Variants in OR51T1 observed in about 807,000 individuals in gnomAD.
OR51T1 encodes olfactory receptor 51T1.
For missense variants in OR51T1, 439 were observed against 398.5 expected, an observed-to-expected ratio of 1.10 and a Z score of -0.87; for synonymous variants, 188 against 152.6, an observed-to-expected ratio of 1.23 and a Z score of -1.71.
rs755950632 is a variant in OR51T1 at position 4,882,687 on chromosome 11, C to T, written c.788C>T (p.Ala263Val). 1.2e-6 allele frequency: 2 copies of T among 1,613,946 alleles called. No homozygotes were observed. The highest frequency in any genetic ancestry group is 1.1e-5 in the South Asian group (1 of 91,076). Residue 263 changes from alanine to valine, a missense_variant, in exon 1 of 1, where the codon GCA (alanine) becomes GTA (valine). Transcript: ENST00000322049. ...GTGCCACTGATCAGCCTCTCTTTGG[C>T]ACACCGCCTCTTCCACTCCACCCCA... Reference protein sequence around the residue: ...FYVPLISLSLAHRLFHSTPRV... With the variant: ...FYVPLISLSLVHRLFHSTPRV...
At position 4,882,197 on chromosome 11, in the gene OR51T1, T is replaced by C; in HGVS notation, c.298T>C (p.Phe100Leu). Residue 100 changes from phenylalanine to leucine, a missense_variant, in exon 1 of 1, where the codon TTC (phenylalanine) becomes CTC (leucine). Phe to Leu is a conservative substitution (Grantham distance 22). Transcript: ENST00000322049. ...HAREISFKAC[F>L]IQMFFVHAFS... is the part of the protein sequence containing the mutation. ...CCGGGAGATCAGCTTTAAAGCTTGC[T>C]TCATTCAAATGTTCTTTGTGCATGC... 1 of 1,613,986 alleles carries C rather than the reference T, an allele frequency of 6.2e-7. No homozygotes were observed.
Position 4,882,722 on chromosome 11 carries a change from T to G in OR51T1, c.823T>G (p.Cys275Gly). The G allele has an allele frequency of 6.2e-7, 1 of 1,613,982 alleles. No homozygotes were observed. ...CTTCCACTCCACCCCAAGGGTGCTCTGTAGCACTTTGGCCAATATTTATCT... is the reference window on the plus strand; with the variant it reads ...CTTCCACTCCACCCCAAGGGTGCTCGGTAGCACTTTGGCCAATATTTATCT... ...RLFHSTPRVLCSTLANIYLLL... is the reference protein window; with the variant it reads ...RLFHSTPRVLGSTLANIYLLL... Residue 275 changes from cysteine (C) to glycine (G), a missense_variant, in exon 1 of 1, where the codon TGT becomes GGT. Physicochemically the swap from Cys to Gly is radical, Grantham distance 159. Transcript: ENST00000322049.
At position 4,882,161 on chromosome 11, in the gene OR51T1, T is replaced by C. The variant is rs779553865; in HGVS notation, c.262T>C (p.Trp88Arg). The C allele has an allele frequency of 3.7e-6, 6 of 1,613,848 alleles. No individual in the cohort carries two copies. Among genetic ancestry groups the C allele is most frequent in the East Asian group, 2.2e-5 (1 of 44,852 alleles). The stretch of plus-strand genomic sequence containing the variant: ...CCTTCCCACTGTGCTTGGTGTTCTC[T>C]GGTTTCATGCCCGGGAGATCAGCTT... ...TTLPTVLGVL[W>R]FHAREISFKA... The change falls in exon 1 of 1, where the codon TGG becomes CGG. Residue 88 changes from tryptophan to arginine, a missense_variant. Coordinates refer to ENST00000322049, the MANE Select transcript of OR51T1 (RefSeq NM_001004759.3).
rs149770343 is a variant in OR51T1, at chr11:4,882,581, C to T, written c.682C>T (p.Leu228=). Reference sequence around the variant, plus strand: ...CTATGTCCTGATCCTCCGTACTGTTCTGGGCATTGTGGCCCGAAAGAAGCA... The same window carrying T: ...CTATGTCCTGATCCTCCGTACTGTTTTGGGCATTGTGGCCCGAAAGAAGCA... ...FSYVLILRTV[L]GIVARKKQQK... The change falls in exon 1 of 1, where the codon CTG becomes TTG. Residue 228 remains leucine, a synonymous_variant. Transcript: ENST00000322049. The T allele has an allele frequency of 7.3e-4, 1,171 of 1,613,902 alleles. No individual in the cohort carries two copies. Among genetic ancestry groups the T allele is most frequent in the Admixed American group, 1.5e-3 (88 of 59,960 alleles).
In OR51T1 at chr11:4,882,135, C is replaced by A. The variant is rs977605855; in HGVS notation, c.236C>A (p.Thr79Asn). ...GTTGATCTATGTCTGACCATTACGA[C>A]CCTTCCCACTGTGCTTGGTGTTCTC... ...AAVDLCLTIT[T>N]LPTVLGVLWF... The change falls in exon 1 of 1, where the codon ACC (threonine) becomes AAC (asparagine). Residue 79 changes from threonine (T) to asparagine (N), a missense_variant. Physicochemically the swap from Thr to Asn is moderately conservative, Grantham distance 65 (BLOSUM62 0). Transcript: ENST00000322049. The A allele has an allele frequency of 8.1e-6, 13 of 1,613,748 alleles. No individual in the cohort carries two copies. Among genetic ancestry groups the A allele is most frequent in the Non-Finnish European group, 1.1e-5 (13 of 1,179,850 alleles).
rs756743966 is a variant in OR51T1 at position 4,882,868 on chromosome 11, G to T, written c.969G>T (p.Arg323Ser). ...GSWGFNVRGL[R>S]GRWD ...GGGGTTTTAATGTGAGGGGTCTTAG[G>T]GGAAGATGGGATTGAAGGTAGGAAA... is the stretch of plus-strand genomic sequence containing the variant. Residue 323 changes from arginine to serine, a missense_variant, in exon 1 of 1, where the codon AGG becomes AGT. Arg to Ser is a moderately radical substitution (Grantham distance 110). Coordinates refer to ENST00000322049, the MANE Select transcript of OR51T1 (RefSeq NM_001004759.3). The T allele has an allele frequency of 1.2e-5, 20 of 1,612,128 alleles. 1 individual carries two copies. The highest frequency in any genetic ancestry group is 1.1e-4 in the East Asian group (5 of 44,792).
Position 4,882,108 on chromosome 11 carries a change from C to A in OR51T1, c.209C>A (p.Ala70Asp). The A allele has an allele frequency of 1.2e-6, 2 of 1,613,980 alleles. No homozygotes were observed. The highest frequency in any genetic ancestry group is 1.7e-6 in the Non-Finnish European group (2 of 1,179,932). The change falls in exon 1 of 1, where the codon GCT becomes GAT. Residue 70 changes from alanine (A) to aspartate (D), a missense_variant. Transcript: ENST00000322049. ...TATTATTTCCTCTCCATGCTGGCAG[C>A]TGTTGATCTATGTCTGACCATTACG... ...PMYYFLSMLA[A>D]VDLCLTITTL...
chr11:4,882,500 G>A lies in OR51T1; in HGVS notation c.601G>A (p.Gly201Arg), dbSNP rs1327937246. 9 of 1,613,504 alleles carry A rather than the reference G, an allele frequency of 5.6e-6. No homozygotes were observed. In the African/African-American group the frequency reaches 1.2e-4, roughly 22 times the overall value. ...YSKPWISSFW[G>R]LFLQLYLNGT... ...CAAACCTTGGATCAGCAGTTTTTGG[G>A]GACTGTTTCTTCAGCTCTACCTGAA... The change falls in exon 1 of 1, where the codon GGA (glycine) becomes AGA (arginine). Residue 201 changes from glycine (G) to arginine (R), a missense_variant. By Grantham distance (125) the Gly-to-Arg change is moderately radical (BLOSUM62 -2). Transcript: ENST00000322049.
chr11:4,882,246 T>A lies in OR51T1; in HGVS notation c.347T>A (p.Val116Glu), dbSNP rs1413053691. 6.2e-7 allele frequency: 1 copy of A among 1,614,034 alleles called. No homozygotes were observed. Among genetic ancestry groups the A allele is most frequent in the East Asian group, 2.2e-5 (1 of 44,866 alleles). ...VHAFSLLESS[V>E]LVAMAFDRFV... ...GCTTTCTCCTTGCTGGAGTCCTCGG[T>A]GCTGGTAGCCATGGCCTTTGACCGC... The change falls in exon 1 of 1, where the codon GTG (valine) becomes GAG (glutamate). Residue 116 changes from valine (V) to glutamate (E), a missense_variant. Coordinates refer to ENST00000322049, the MANE Select transcript of OR51T1 (RefSeq NM_001004759.3).
chr11:4,881,924 T>G lies in OR51T1; in HGVS notation c.25T>G (p.Ser9Ala), dbSNP rs1320519206. 1.2e-6 allele frequency: 2 copies of G among 1,613,324 alleles called. No individual in the cohort carries two copies. Among genetic ancestry groups the G allele is most frequent in the Non-Finnish European group, 1.7e-6 (2 of 1,179,462 alleles). Residue 9 changes from serine (S) to alanine (A), a missense_variant, in exon 1 of 1, where the codon TCG (serine) becomes GCG (alanine). Coordinates refer to ENST00000322049, the MANE Select transcript of OR51T1 (RefSeq NM_001004759.3). The stretch of plus-strand genomic sequence containing the variant: ...CATGGCAATATTCAATAACACCACT[T>G]CGTCTTCCTCAAACTTCCTCCTCAC... MAIFNNTT[S>A]SSSNFLLTAF...
At position 4,882,035 on chromosome 11, in the gene OR51T1, A is replaced by T. The variant is rs905371915; in HGVS notation, c.136A>T (p.Met46Leu). The change falls in exon 1 of 1, where the codon ATG becomes TTG. Residue 46 changes from methionine to leucine, a missense_variant. Met to Leu is a conservative substitution (Grantham distance 15). Coordinates refer to ENST00000322049, the MANE Select transcript of OR51T1 (RefSeq NM_001004759.3). ...CACCATTGCCCTCTTGGGAAACAGT[A>T]TGATCTTTCTTGTCATCATTACTAA... ...LYTIALLGNS[M>L]IFLVIITKRR... 6.2e-7 allele frequency: 1 copy of T among 1,613,876 alleles called. No individual in the cohort carries two copies. Among genetic ancestry groups the T allele is most frequent in the Non-Finnish European group, 8.5e-7 (1 of 1,179,886 alleles).
chr11:4,882,778 T>C lies in OR51T1; in HGVS notation c.879T>C (p.Ile293=), dbSNP rs756152315. The change falls in exon 1 of 1, where the codon ATT becomes ATC. Residue 293 remains isoleucine, a synonymous_variant. Transcript: ENST00000322049. ...LLLPPVLNPI[I]YSLKTKTIRQ... ...TACCACCTGTGCTGAACCCTATCATTTACAGCTTGAAGACCAAGACAATCC... is the reference window on the plus strand; with the variant it reads ...TACCACCTGTGCTGAACCCTATCATCTACAGCTTGAAGACCAAGACAATCC... 6.2e-7 allele frequency: 1 copy of C among 1,613,890 alleles called. No homozygotes were observed. The highest frequency in any genetic ancestry group is 8.5e-7 in the Non-Finnish European group (1 of 1,179,874).
chr11:4,882,619 C>T lies in OR51T1; in HGVS notation c.720C>T (p.Leu240=), dbSNP rs1850490562. 3 of 1,613,930 alleles carry T rather than the reference C, an allele frequency of 1.9e-6. No homozygotes were observed. The highest frequency in any genetic ancestry group is 1.7e-6 in the Non-Finnish European group (2 of 1,179,940). The change falls in exon 1 of 1, where the codon CTC becomes CTT. Residue 240 remains leucine (L), a synonymous_variant. Coordinates refer to ENST00000322049, the MANE Select transcript of OR51T1 (RefSeq NM_001004759.3). ...IVARKKQQKA[L]STCVCHICAV... is the part of the protein sequence containing the mutation. Reference sequence around the variant, plus strand: ...CCCGAAAGAAGCAACAAAAAGCTCTCAGCACTTGTGTCTGTCACATCTGTG... The same window carrying T: ...CCCGAAAGAAGCAACAAAAAGCTCTTAGCACTTGTGTCTGTCACATCTGTG...
chr11:4,882,048 T>C lies in OR51T1; in HGVS notation c.149T>C (p.Val50Ala). Reference protein sequence around the residue: ...ALLGNSMIFLVIITKRRLHKP... With the variant: ...ALLGNSMIFLAIITKRRLHKP... ...TTGGGAAACAGTATGATCTTTCTTGTCATCATTACTAAGCGGAGACTCCAC... is the reference window on the plus strand; with the variant it reads ...TTGGGAAACAGTATGATCTTTCTTGCCATCATTACTAAGCGGAGACTCCAC... The change falls in exon 1 of 1, where the codon GTC becomes GCC. Residue 50 changes from valine (V) to alanine (A), a missense_variant. By Grantham distance (64) the Val-to-Ala change is moderately conservative (BLOSUM62 0). Transcript: ENST00000322049. 5 of 1,613,868 alleles carry C rather than the reference T, an allele frequency of 3.1e-6. No homozygotes were observed. The highest frequency in any genetic ancestry group is 4.2e-6 in the Non-Finnish European group (5 of 1,179,872).
Position 4,882,320 on chromosome 11 carries a change from A to G in OR51T1, c.421A>G (p.Arg141Gly). Residue 141 changes from arginine to glycine, a missense_variant, in exon 1 of 1, where the codon AGG becomes GGG. Physicochemically the swap from Arg to Gly is moderately radical, Grantham distance 125 (BLOSUM62 -2). Coordinates refer to ENST00000322049, the MANE Select transcript of OR51T1 (RefSeq NM_001004759.3). ...PLNYATILTD[R>G]MVLVIGLVIC... ...GAACTATGCTACTATCCTCACAGACAGGATGGTCCTGGTGATAGGGCTGGT... is the reference window on the plus strand; with the variant it reads ...GAACTATGCTACTATCCTCACAGACGGGATGGTCCTGGTGATAGGGCTGGT... 1 of 1,613,962 alleles carries G rather than the reference A, an allele frequency of 6.2e-7. No homozygotes were observed. Among genetic ancestry groups the G allele is most frequent in the East Asian group, 2.2e-5 (1 of 44,848 alleles).
In OR51T1 at chr11:4,882,614, G is replaced by T. The variant is rs1850490505; in HGVS notation, c.715G>T (p.Ala239Ser). The change falls in exon 1 of 1, where the codon GCT (alanine) becomes TCT (serine). Residue 239 changes from alanine to serine, a missense_variant. Physicochemically the swap from Ala to Ser is moderately conservative, Grantham distance 99. Transcript: ENST00000322049. ...GIVARKKQQK[A>S]LSTCVCHICA... ...TGTGGCCCGAAAGAAGCAACAAAAAGCTCTCAGCACTTGTGTCTGTCACAT... is the reference window on the plus strand; with the variant it reads ...TGTGGCCCGAAAGAAGCAACAAAAATCTCTCAGCACTTGTGTCTGTCACAT... 6.2e-7 allele frequency: 1 copy of T among 1,613,880 alleles called. No individual in the cohort carries two copies. Among genetic ancestry groups the T allele is most frequent in the African/African-American group, 1.3e-5 (1 of 75,006 alleles).
chr11:4,882,665 C>T lies in OR51T1; in HGVS notation c.766C>T (p.Pro256Ser), dbSNP rs752999231. Residue 256 changes from proline (P) to serine (S), a missense_variant, in exon 1 of 1, where the codon CCA (proline) becomes TCA (serine). Physicochemically the swap from Pro to Ser is moderately conservative, Grantham distance 74. Transcript: ENST00000322049. The part of the protein sequence containing the change: ...HICAVTIFYV[P>S]LISLSLAHRL... Reference sequence around the variant, plus strand: ...CTGTGCAGTCACTATTTTCTATGTGCCACTGATCAGCCTCTCTTTGGCACA... The same window carrying T: ...CTGTGCAGTCACTATTTTCTATGTGTCACTGATCAGCCTCTCTTTGGCACA... 12 of 1,613,828 alleles carry T rather than the reference C, an allele frequency of 7.4e-6. No individual in the cohort carries two copies. In the Admixed American group the frequency reaches 1.0e-4, roughly 13 times the overall value.
rs762957711 is a variant in OR51T1, at chr11:4,882,148, G to T, written c.249G>T (p.Val83=). The change falls in exon 1 of 1, where the codon GTG becomes GTT. Residue 83 remains valine, a synonymous_variant. Transcript: ENST00000322049. ...LCLTITTLPT[V]LGVLWFHARE... ...TGACCATTACGACCCTTCCCACTGT[G>T]CTTGGTGTTCTCTGGTTTCATGCCC... The T allele has an allele frequency of 3.7e-6, 6 of 1,613,766 alleles. No homozygotes were observed. Among genetic ancestry groups the T allele is most frequent in the South Asian group, 1.1e-5 (1 of 91,088 alleles).
At position 4,882,793 on chromosome 11, in the gene OR51T1, C is replaced by T. The variant is rs913006089; in HGVS notation, c.894C>T (p.Thr298=). Residue 298 remains threonine (T), a synonymous_variant, in exon 1 of 1, where the codon ACC becomes ACT. Transcript: ENST00000322049. ...VLNPIIYSLK[T]KTIRQAMFQL... is the part of the protein sequence containing the mutation. ...ACCCTATCATTTACAGCTTGAAGAC[C>T]AAGACAATCCGCCAGGCTATGTTCC... The T allele has an allele frequency of 6.2e-7, 1 of 1,613,746 alleles. No individual in the cohort carries two copies. The highest frequency in any genetic ancestry group is 1.3e-5 in the African/African-American group (1 of 74,852).
Sources: allele counts gnomAD v4.1 joint callset, GRCh38; gene constraint gnomAD v4.1.1; transcripts MANE v1.5; gene names NCBI Gene and HGNC (gene_info 2026-07-23, HGNC 2026-07-21).